The following CUL2 variants were observed in gnomAD, a reference collection of about 807,000 sequenced individuals.
CUL2 encodes cullin-2.
In CUL2, 22 loss-of-function variants were observed where a neutral mutation model predicts 110.2. That is an observed-to-expected ratio of 0.20 (90% CI 0.14 to 0.28). CUL2 has a LOEUF of 0.28. Ranked by LOEUF, CUL2 falls within the 10% of genes least tolerant of loss-of-function variation. The pLI, the probability that CUL2 is intolerant of heterozygous loss-of-function variation, is 1.00. For missense variants in CUL2, 631 were observed against 905.5 expected, an observed-to-expected ratio of 0.70 and a Z score of 3.89; for synonymous variants, 279 against 293.2, an observed-to-expected ratio of 0.95 and a Z score of 0.49.
upstream of CUL2, among the ~76,000 whole-genome samples, chr10:35,092,071 G>C (rs545374098): frequency 6.6e-6 from 1 of 151,788 alleles, no homozygotes; most frequent in South Asian, 2.1e-4. Flanking sequence ...TACCATCTCA[G>C]TTTCCGAAGC....
At position 35,104,744 on chromosome 10, in the gene CUL2, G is replaced by T. The variant is rs575517718; in HGVS notation, c.-50-3684C>A. The stretch of plus-strand genomic sequence containing the variant: ...AAACGAAGAATCAAAGACTTTTCTG[G>T]GGGGGGGACAGTCTTGCTCTTGTTG... On this transcript the variant is annotated intron_variant, in intron 1 of 5. Coordinates refer to the CUL2 transcript ENST00000685421. 5.3e-5 allele frequency among the ~76,000 whole-genome samples: 8 copies of T among 151,456 alleles called. 1 individual carries two copies. Among genetic ancestry groups the T allele is most frequent in the African/African-American group, 1.7e-4 (7 of 41,290 alleles).
intron 18 of CUL2, among the ~76,000 whole-genome samples, chr10:35,015,860 A>G (rs1287823684): frequency 6.6e-6 from 1 of 152,230 alleles, no homozygotes; most frequent in Non-Finnish European, 1.5e-5. Flanking sequence ...GCACATTTAT[A>G]AAACCAAAAA....
chr10:35,050,980 G>A (rs1685082708), intron 5 of CUL2, among the ~76,000 whole-genome samples: 1 of 152,234 alleles, frequency 6.6e-6, no homozygotes, highest in Non-Finnish European at 1.5e-5. Context: ...AAGTGGTACT[G>A]CCAGGCTTTA....
chr10:35,032,335 T>C, intron 12 of CUL2, 100 bp downstream of exon 12: 1 of 1,027,916 alleles, frequency 9.7e-7, no homozygotes, highest in Non-Finnish European at 1.5e-6. Context: ...TCTATTTTTC[T>C]GAAAAATGCT....
At chr10:35,019,656 A>G (rs1013010434) in intron 17 of CUL2, among the ~76,000 whole-genome samples, 1 of 152,208 alleles carries the variant, frequency 6.6e-6, no homozygotes, top group Non-Finnish European at 1.5e-5. Flanking sequence ...GCCAACAATA[A>G]ATAATTCAAG....
intron 2 of CUL2, 89 bp from the exon 3 acceptor site, chr10:35,063,151 A>G (rs2086426062): frequency 1.3e-6 from 1 of 761,174 alleles, no homozygotes; most frequent in African/African-American, 1.8e-5. Flanking sequence ...AAAATGAAAA[A>G]ACATTTCTTT....
At chr10:35,100,349 G>T (rs1360263118) in intron 2 of CUL2, among the ~76,000 whole-genome samples, 1 of 152,102 alleles carries the variant, frequency 6.6e-6, no homozygotes, top group Non-Finnish European at 1.5e-5. Context: ...CATGTAACAA[G>T]TTACTCACTT....
intron 5 of CUL2, among the ~76,000 whole-genome samples, chr10:35,050,186 T>C (rs980560205): frequency 2.0e-5 from 3 of 152,050 alleles, no homozygotes; most frequent in Admixed American, 6.5e-5. Flanking sequence ...CCTGGTGTGG[T>C]GGCATGCGCC....
chr10:35,029,720 T>A lies in CUL2; in HGVS notation c.1387-80A>T, dbSNP rs113713122. ...TTGGTTAATAATAATGTGTCGGTAT[T>A]GCTAGGTCTTTGATCAAAGGTTCTT... On this transcript the variant is annotated intron_variant, in intron 14 of 20. Coordinates refer to ENST00000374749, the MANE Select transcript of CUL2 (RefSeq NM_003591.4). 2.9e-3 allele frequency: 3,033 copies of A among 1,062,804 alleles called. 70 individuals carry two copies. In the African/African-American group the frequency reaches 0.044, roughly 15 times the overall value. 65.8% of individuals were successfully genotyped at this position (1,062,804 alleles called of 1,614,324 possible).
chr10:35,121,792 A>G (rs935459504), intron 1 of CUL2, among the ~76,000 whole-genome samples: 5 of 150,828 alleles, frequency 3.3e-5, no homozygotes, highest in African/African-American at 1.2e-4. Context: ...CCTAGGTGAC[A>G]GAGTAAGACC....
intron 1 of CUL2, among the ~76,000 whole-genome samples, chr10:35,105,945 C>G (rs2087449938): frequency 6.6e-6 from 1 of 151,812 alleles, no homozygotes; most frequent in African/African-American, 2.4e-5. Flanking sequence ...AGGATGAGAA[C>G]AGCATATATT....
At chr10:35,106,430 C>CT (rs1371225818) in intron 1 of CUL2, among the ~76,000 whole-genome samples, 1 of 152,032 alleles carries the variant, frequency 6.6e-6, no homozygotes, top group African/African-American at 2.4e-5. Context: ...CGCCATTCTC[C>CT]TGCCTCAGCG....
chr10:35,059,979 G>A (rs918734994), intron 4 of CUL2, among the ~76,000 whole-genome samples: 4 of 152,180 alleles, frequency 2.6e-5, no homozygotes, highest in African/African-American at 9.7e-5. Context: ...TACTAATTTA[G>A]CCAGGCACAG....
intron 20 of CUL2, among the ~76,000 whole-genome samples, chr10:35,011,383 C>T (rs970261130): frequency 6.6e-6 from 1 of 151,766 alleles, no homozygotes; most frequent in African/African-American, 2.4e-5. Flanking sequence ...TTTTGGAGGC[C>T]GAGGCAGGTG....
upstream of CUL2, among the ~76,000 whole-genome samples, chr10:35,092,732 G>A (rs1362841166): frequency 6.6e-6 from 1 of 152,194 alleles, no homozygotes. Flanking sequence ...CTTAATTTGG[G>A]GAGGAAGTTA....
At chr10:35,073,697 T>C (rs57786297) in intron 1 of CUL2, among the ~76,000 whole-genome samples, 55,822 of 151,276 alleles carry the variant, frequency 0.37, 10,414 homozygotes, top group African/African-American at 0.43. Flanking sequence ...CTCTGCTTCC[T>C]GGGTTGAAGT....
At chr10:35,035,054 T>C in intron 10 of CUL2, 118 bp downstream of exon 10, 1 of 1,195,588 alleles carries the variant, frequency 8.4e-7, no homozygotes, top group Non-Finnish European at 1.2e-6. Context: ...ATAAAGACAT[T>C]TCTTTCGTTG....
At chr10:35,094,183 G>A (rs765671636), upstream of CUL2, among the ~76,000 whole-genome samples, 8 of 151,846 alleles carry the variant, frequency 5.3e-5, no homozygotes, top group Non-Finnish European at 1.0e-4. Context: ...TACAAGAATG[G>A]CATAATACAA....
At chr10:35,082,488 A>G (rs984513962) in intron 1 of CUL2, among the ~76,000 whole-genome samples, 2 of 152,200 alleles carry the variant, frequency 1.3e-5, no homozygotes, top group African/African-American at 4.8e-5. Context: ...AATGGTGGTG[A>G]GGGTCACAAT....
Sources: gnomAD v4.1 joint callset for allele counts (sites outside exome capture counted in the v4.1 genomes callset) on GRCh38, gnomAD v4.1.1 for gene constraint, MANE v1.5 for transcripts, NCBI Gene and HGNC (gene_info 2026-07-23, HGNC 2026-07-21) for gene names.